Variants in IL10RB observed in about 807,000 individuals in gnomAD.
The protein encoded by IL10RB is interleukin-10 receptor subunit beta.
In IL10RB, 30 loss-of-function variants were observed where a neutral mutation model predicts 38.7. The ratio of observed to expected loss-of-function variants is 0.78; its 90% CI spans 0.58 to 1.05. The LOEUF is 1.05. IL10RB is among the 50% of genes least tolerant of loss of function. IL10RB has a pLI of 0.00. For missense variants in IL10RB, 328 were observed against 397.1 expected (o/e 0.83, Z 1.48); for synonymous variants, 142 against 145.9 (o/e 0.97, Z 0.19).
intron 1 of IL10RB, among the ~76,000 whole-genome samples, chr21:33,302,570 G>T (rs2082988535): frequency 6.6e-6 from 1 of 152,190 alleles, no homozygotes; most frequent in South Asian, 2.1e-4. Context: ...GCCTAATCTA[G>T]AGATCTTGGG....
intron 6 of IL10RB, chr21:33,293,997 T>C: frequency 2.1e-6 from 1 of 471,138 alleles, no homozygotes; most frequent in Non-Finnish European, 4.4e-6. Flanking sequence ...TTTTTGCTTC[T>C]GGCTTCACCA....
At chr21:33,303,287 G>A (rs963454869) in intron 1 of IL10RB, among the ~76,000 whole-genome samples, 4 of 152,024 alleles carry the variant, frequency 2.6e-5, no homozygotes, top group African/African-American at 9.7e-5. Context: ...CTCTGTTGCG[G>A]GGAGGGTGGA....
chr21:33,283,327 C>A, intron 5 of IL10RB, 86 bp downstream of exon 5: 1 of 1,353,366 alleles, frequency 7.4e-7, no homozygotes, highest in South Asian at 1.2e-5. Flanking sequence ...AACTCAAATT[C>A]CAGCTCAGTT....
At position 33,268,499 on chromosome 21, in the gene IL10RB, T is replaced by C; in HGVS notation, c.155T>C (p.Phe52Ser). 1 of 1,613,202 alleles carries C rather than the reference T, an allele frequency of 6.2e-7. No homozygotes were observed. The highest frequency in any genetic ancestry group is 8.5e-7 in the Non-Finnish European group (1 of 1,179,098). ...GCTTTTGCCAAAGGGAACCTGACTT[T>C]CACAGCTCAGTACCTAAGGTGGGTC... Reference protein sequence around the residue: ...SPAFAKGNLTFTAQYLSYRIF... With the variant: ...SPAFAKGNLTSTAQYLSYRIF... Residue 52 changes from phenylalanine to serine, a missense_variant, in exon 2 of 7, where the codon TTC (phenylalanine) becomes TCC (serine). Coordinates refer to ENST00000290200, the MANE Select transcript of IL10RB (RefSeq NM_000628.5).
rs1019924295 is a variant in IL10RB at position 33,296,188 on chromosome 21, T to C, written c.809T>C (p.Leu270Ser). The C allele has an allele frequency of 1.2e-6, 2 of 1,612,964 alleles. No individual in the cohort carries two copies. The highest frequency in any genetic ancestry group is 1.7e-6 in the Non-Finnish European group (2 of 1,178,890). The change falls in exon 7 of 7, where the codon TTG (leucine) becomes TCG (serine). Residue 270 changes from leucine (L) to serine (S), a missense_variant. Coordinates refer to ENST00000290200, the MANE Select transcript of IL10RB (RefSeq NM_000628.5). ...NSLPQHLKEFLGHPHHNTLLF... is the reference protein window; with the variant it reads ...NSLPQHLKEFSGHPHHNTLLF... ...CTGTCCTCTTTCCCTCCACAGTTTT[T>C]GGGCCATCCTCATCATAACACACTT...
At chr21:33,268,337 T>C in intron 1 of IL10RB, 57 bp from the exon 2 acceptor site, 1 of 1,612,450 alleles carries the variant, frequency 6.2e-7, no homozygotes, top group African/African-American at 1.3e-5. Context: ...GTGGGCTTTT[T>C]CATGGGCATC....
At chr21:33,283,980 C>T (rs562583536) in intron 5 of IL10RB, among the ~76,000 whole-genome samples, 67 of 152,206 alleles carry the variant, frequency 4.4e-4, no homozygotes, top group African/African-American at 1.6e-3. Flanking sequence ...ACATGGCATG[C>T]GGCATGCAGT....
intron 1 of IL10RB, among the ~76,000 whole-genome samples, chr21:33,267,301 G>A (rs1191629483): frequency 6.6e-6 from 1 of 151,704 alleles, no homozygotes; most frequent in Non-Finnish European, 1.5e-5. Context: ...CTCCTTCCCT[G>A]GCACTGTTCC....
At chr21:33,270,581 A>T (rs1989058506) in intron 2 of IL10RB, among the ~76,000 whole-genome samples, 1 of 150,550 alleles carries the variant, frequency 6.6e-6, no homozygotes, top group African/African-American at 2.4e-5. Flanking sequence ...TCACCGTGTT[A>T]CCCAGGATGG....
chr21:33,284,603 T>A (rs1053736497), intron 5 of IL10RB, among the ~76,000 whole-genome samples: 3 of 152,158 alleles, frequency 2.0e-5, no homozygotes, highest in Non-Finnish European at 4.4e-5. Context: ...TAATCCCCAG[T>A]GCTGGAGGTG....
intron 1 of IL10RB, among the ~76,000 whole-genome samples, chr21:33,303,149 C>A (rs1283021932): frequency 2.6e-5 from 4 of 152,124 alleles, no homozygotes; most frequent in Non-Finnish European, 5.9e-5. Flanking sequence ...TGACTCAGTT[C>A]TTTCCTACTC....
In IL10RB at chr21:33,296,494, A is replaced by C. The variant is rs2082967130; in HGVS notation, c.*137A>C. 2 of 835,500 alleles carry C rather than the reference A, an allele frequency of 2.4e-6. No homozygotes were observed. Among genetic ancestry groups the C allele is most frequent in the Admixed American group, 4.0e-5 (2 of 50,266 alleles). The allele number at this position is 835,500 out of a possible 1,614,324, so 51.8% of individuals were successfully genotyped here. ...CACATCTAGAACTCCCAGACCCTGG[A>C]CTTAGCCACCAGAGAGCTACATTTT... On this transcript the variant is annotated 3_prime_UTR_variant, in exon 7 of 7. Transcript: ENST00000290200.
At chr21:33,305,963 C>T (rs2082998070) in intron 1 of IL10RB, among the ~76,000 whole-genome samples, 3 of 152,154 alleles carry the variant, frequency 2.0e-5, no homozygotes, top group Admixed American at 2.0e-4. Flanking sequence ...TCCCAAGTAG[C>T]TGGGATTACA....
At chr21:33,284,620 G>A (rs1011806102) in intron 5 of IL10RB, among the ~76,000 whole-genome samples, 2 of 152,308 alleles carry the variant, frequency 1.3e-5, no homozygotes, top group African/African-American at 4.8e-5. Context: ...GGTGGCGCCT[G>A]GTGGGAGGTG....
At chr21:33,272,434 TA>T (rs927676036) in intron 2 of IL10RB, among the ~76,000 whole-genome samples, 51 of 152,228 alleles carry the variant, frequency 3.4e-4, no homozygotes, top group Middle Eastern at 3.4e-3. Flanking sequence ...TTTTATTTTA[TA>T]AATTTTTAAA....
In IL10RB at chr21:33,296,675, A is replaced by G; in HGVS notation, c.*318A>G. ...TTAATTGTGAGAAACAGGGCCGAGC[A>G]CAGTGGCTCACGCCTGTAATACCAG... On this transcript the variant is annotated 3_prime_UTR_variant, in exon 7 of 7. Coordinates refer to ENST00000290200, the MANE Select transcript of IL10RB (RefSeq NM_000628.5). The G allele has an allele frequency of 2.3e-6, 1 of 441,936 alleles. No homozygotes were observed. Among genetic ancestry groups the G allele is most frequent in the Non-Finnish European group, 4.4e-6 (1 of 225,620 alleles). The allele number at this position is 441,936 out of a possible 1,614,324, so 27.4% of individuals were successfully genotyped here.
intron 6 of IL10RB, among the ~76,000 whole-genome samples, chr21:33,288,715 T>C (rs891154711): frequency 2.0e-5 from 3 of 152,158 alleles, no homozygotes. Context: ...CGAGAGCGAT[T>C]GAAATTCTGG....
Position 33,302,804 on chromosome 21 carries a change from G to A in IL10RB, c.130-6172G>A, listed in dbSNP as rs184481408. ...TATTACACCACCATGGTATACTGTC[G>A]CCTGAGGCCTGTAGACAGGAAATGA... On this transcript the variant is annotated intron_variant, in intron 1 of 1. Transcript: ENST00000609556. 4.7e-4 allele frequency among the ~76,000 whole-genome samples: 71 copies of A among 152,262 alleles called. No individual in the cohort carries two copies. The East Asian group carries it at 0.013, about 29-fold the overall frequency.
At chr21:33,299,257 A>G (rs1334739597), downstream of IL10RB, among the ~76,000 whole-genome samples, 1 of 152,126 alleles carries the variant, frequency 6.6e-6, no homozygotes, top group African/African-American at 2.4e-5. Context: ...AGCATAAGAC[A>G]ATGAATCTTG....
Sources: gnomAD v4.1 joint callset for allele counts (sites outside exome capture counted in the v4.1 genomes callset) on GRCh38, gnomAD v4.1.1 for gene constraint, MANE v1.5 for transcripts, NCBI Gene and HGNC (gene_info 2026-07-23, HGNC 2026-07-21) for gene names.